Variants in ADAM9 observed in about 807,000 individuals in gnomAD.
ADAM9 encodes the protein disintegrin and metalloproteinase domain-containing protein 9.
ADAM9 carries 54 observed loss-of-function variants against 108.1 expected under a neutral mutation model. That is an observed-to-expected ratio of 0.50 (90% CI 0.40 to 0.63). The LOEUF is 0.63. Ranked by LOEUF, ADAM9 falls within the 20% of genes least tolerant of loss-of-function variation. ADAM9 has a pLI of 0.00. For missense variants in ADAM9, 830 were observed against 997.7 expected (o/e 0.83, Z 2.26); for synonymous variants, 316 against 336.0 (o/e 0.94, Z 0.65).
At chr8:39,017,973 C>T (rs1266341524) in intron 6 of ADAM9, among the ~76,000 whole-genome samples, 2 of 152,172 alleles carry the variant, frequency 1.3e-5, no homozygotes, top group Admixed American at 6.5e-5. Flanking sequence ...GAGAGAGATA[C>T]GGCTTTAGGA....
chr8:39,036,928 A>G (rs1048017726), intron 11 of ADAM9, among the ~76,000 whole-genome samples: 2 of 152,094 alleles, frequency 1.3e-5, no homozygotes, highest in Non-Finnish European at 2.9e-5. Flanking sequence ...TTTATAAGAA[A>G]ATATCCTTCA....
intron 1 of ADAM9, among the ~76,000 whole-genome samples, chr8:39,000,348 A>G (rs1452828905): frequency 6.6e-6 from 1 of 152,198 alleles, no homozygotes; most frequent in South Asian, 2.1e-4. Context: ...TGGGTAGCAC[A>G]ATGTTGTTTG....
chr8:39,097,549 G>A (rs1450325692), intron 20 of ADAM9, among the ~76,000 whole-genome samples: 12 of 151,940 alleles, frequency 7.9e-5, no homozygotes, highest in African/African-American at 2.4e-4. Context: ...CTCGTGATCC[G>A]CCCGCCCTGG....
Position 39,023,253 on chromosome 8 carries a change from T to C in ADAM9, c.842T>C (p.Leu281Pro). Residue 281 changes from leucine (L) to proline (P), a missense_variant, in exon 9 of 22, where the codon CTG (leucine) becomes CCG (proline). Physicochemically the swap from Leu to Pro is moderately conservative, Grantham distance 98. Around this residue, in one of 3 missense-constraint regions of ADAM9, gnomAD observed 381 missense variants for 539.8 expected, o/e 0.71. Coordinates refer to ENST00000487273, the MANE Select transcript of ADAM9 (RefSeq NM_003816.3). The part of the protein sequence containing the change: ...INIVGGAGDV[L>P]GNFVQWREKF... ...ATAGTTGGGGGTGCTGGTGATGTGCTGGGGAACTTCGTGCAGTGGCGGGAA... is the reference window on the plus strand; with the variant it reads ...ATAGTTGGGGGTGCTGGTGATGTGCCGGGGAACTTCGTGCAGTGGCGGGAA... 6.2e-7 allele frequency: 1 copy of C among 1,613,756 alleles called. No homozygotes were observed. The highest frequency in any genetic ancestry group is 8.5e-7 in the Non-Finnish European group (1 of 1,179,846).
chr8:39,037,204 C>T (rs1321735061), intron 11 of ADAM9, among the ~76,000 whole-genome samples: 1 of 149,578 alleles, frequency 6.7e-6, no homozygotes, highest in Non-Finnish European at 1.5e-5. Context: ...ACTACAGGCG[C>T]CCGCCACTGC....
intron 10 of ADAM9, among the ~76,000 whole-genome samples, chr8:39,026,458 T>TAA (rs1488934481): frequency 3.9e-5 from 6 of 152,236 alleles, no homozygotes; most frequent in African/African-American, 1.4e-4. Context: ...GCTAAAGTGG[T>TAA]TGACCTCTTG....
rs1470038397 is a variant in ADAM9 at position 39,104,316 on chromosome 8, GTGTGTGTATTCACGCAGTTAC to G, written c.*618_*638del. 1 of 452,630 alleles carries G rather than the reference GTGTGTGTATTCACGCAGTTAC, an allele frequency of 2.2e-6. No homozygotes were observed. The highest frequency in any genetic ancestry group is 2.4e-5 in the Admixed American group (1 of 42,530). 28.0% of individuals were successfully genotyped at this position (452,630 alleles called of 1,614,324 possible). On this transcript the variant is annotated 3_prime_UTR_variant, in exon 22 of 22. Transcript: ENST00000487273. Reference sequence around the variant, plus strand: ...AAAGTACAAAATATACTAAAAGAGTGTGTGTGTATTCACGCAGTTACTCGCTTCCATTTTTATGACCTTTCA... The same window carrying G: ...AAAGTACAAAATATACTAAAAGAGTGTCGCTTCCATTTTTATGACCTTTCA...
intron 14 of ADAM9, among the ~76,000 whole-genome samples, chr8:39,057,783 C>T (rs980148674): frequency 2.6e-5 from 4 of 152,156 alleles, no homozygotes; most frequent in Non-Finnish European, 1.5e-5. Context: ...CTTTACTCAT[C>T]CTACTGATTT....
At chr8:39,027,164 T>C (rs1836949410) in intron 11 of ADAM9, among the ~76,000 whole-genome samples, 1 of 152,250 alleles carries the variant, frequency 6.6e-6, no homozygotes, top group Non-Finnish European at 1.5e-5. Context: ...GTTTATTATC[T>C]GAATTAGAAA....
At chr8:39,045,266 G>C (rs1564299282) in intron 12 of ADAM9, among the ~76,000 whole-genome samples, 3 of 144,238 alleles carry the variant, frequency 2.1e-5, no homozygotes, top group African/African-American at 7.7e-5. Context: ...GTATATATGT[G>C]TATACATACA....
At chr8:39,102,912 A>T (rs957410818) in intron 21 of ADAM9, among the ~76,000 whole-genome samples, 7 of 152,252 alleles carry the variant, frequency 4.6e-5, no homozygotes, top group Admixed American at 1.3e-4. Flanking sequence ...TGACCCTCCC[A>T]TCCCCTAGAA....
intron 8 of ADAM9, 55 bp from the exon 9 acceptor site, chr8:39,023,101 G>T: frequency 4.0e-6 from 6 of 1,494,506 alleles, no homozygotes; most frequent in East Asian, 2.4e-5. Flanking sequence ...GTGGTTAAAA[G>T]ATTTTTCTCA....
intron 11 of ADAM9, among the ~76,000 whole-genome samples, chr8:39,032,779 C>CTG (rs1338733973): frequency 2.6e-5 from 4 of 152,236 alleles, no homozygotes; most frequent in Non-Finnish European, 5.9e-5. Flanking sequence ...CAGACCGGAG[C>CTG]TGTTCCTATT....
rs1415344150 is a variant in ADAM9, at chr8:39,053,030, TTGAG to T, written c.1303-1448_1303-1445del. ...AGTGTTTTTAATTTTAGCCATTCTA[TTGAG>T]TGTGAGGTGGTGCCTCATTGAGGTT... On this transcript the variant is annotated intron_variant, in intron 12 of 21. Transcript: ENST00000487273. Among the ~76,000 whole-genome samples the T allele has an allele frequency of 2.0e-5, 3 of 152,188 alleles. No individual in the cohort carries two copies. In the East Asian group the frequency reaches 5.8e-4, roughly 29 times the overall value.
At chr8:39,045,070 A>C (rs1453335549) in intron 12 of ADAM9, among the ~76,000 whole-genome samples, 573 of 25,924 alleles carry the variant, frequency 0.022, 94 homozygotes, top group East Asian at 0.088. Flanking sequence ...GCATACATAC[A>C]TATGTGTGTG....
At chr8:39,102,083 T>G (rs950122461) in intron 21 of ADAM9, among the ~76,000 whole-genome samples, 153 bp downstream of exon 21, 4 of 152,204 alleles carry the variant, frequency 2.6e-5, no homozygotes, top group African/African-American at 9.7e-5. Context: ...TTAAAATAAC[T>G]TTATATAAAT....
At chr8:39,075,979 AG>A (rs1415295971) in intron 15 of ADAM9, 1 of 152,244 alleles carries the variant, frequency 6.6e-6, no homozygotes, top group Non-Finnish European at 1.5e-5. Context: ...TGCAGGATGA[AG>A]GGAAGATGAA....
intron 13 of ADAM9, 28 bp from the exon 14 acceptor site, chr8:39,055,547 TTC>T: frequency 6.2e-7 from 1 of 1,604,174 alleles, no homozygotes; most frequent in Non-Finnish European, 8.5e-7. Flanking sequence ...ATCCTGATAT[TTC>T]TGTTTAATTT....
At chr8:39,023,405 A>G in intron 9 of ADAM9, 80 bp downstream of exon 9, 1 of 1,423,602 alleles carries the variant, frequency 7.0e-7, no homozygotes, top group East Asian at 2.5e-5. Context: ...TTAGAATTAT[A>G]TTCTCTTGAG....
Sources: allele counts gnomAD v4.1 joint callset (sites outside exome capture counted in the v4.1 genomes callset), GRCh38; gene constraint gnomAD v4.1.1; regional missense constraint gnomAD v4.1.1; transcripts MANE v1.5; gene names NCBI Gene and HGNC (gene_info 2026-07-23, HGNC 2026-07-21).